Variants in NIF3L1 observed in about 807,000 individuals in gnomAD.
NIF3L1 encodes NGG1 interacting factor 3 like 1.
Under a neutral mutation model 35.0 loss-of-function variants are expected in NIF3L1, and 26 were observed. The ratio of observed to expected loss-of-function variants is 0.74; its 90% CI spans 0.54 to 1.03. The LOEUF is 1.03. Ranked by LOEUF, NIF3L1 falls within the 50% of genes least tolerant of loss-of-function variation. The pLI is 0.00. For missense variants in NIF3L1, 449 were observed against 466.3 expected, an observed-to-expected ratio of 0.96 and a Z score of 0.34; for synonymous variants, 157 against 178.9, an observed-to-expected ratio of 0.88 and a Z score of 0.98.
Position 200,903,632 on chromosome 2 carries a change from ATAT to A in NIF3L1, c.1092_1094del (p.Ile365del), listed in dbSNP as rs2040447253. ...GATTCTCACTTGGAGAATAAGATAAATATTATCCTATCAGAGACTGACAGGGAC... is the reference window on the plus strand; with the variant it reads ...GATTCTCACTTGGAGAATAAGATAAATATCCTATCAGAGACTGACAGGGAC... On this transcript the variant is annotated inframe_deletion, in exon 7 of 7. Coordinates refer to ENST00000409020, the MANE Select transcript of NIF3L1 (RefSeq NM_001369441.2). 9 of 1,613,572 alleles carry A rather than the reference ATAT, an allele frequency of 5.6e-6. No homozygotes were observed. The highest frequency in any genetic ancestry group is 7.6e-6 in the Non-Finnish European group (9 of 1,179,624).
intron 1 of NIF3L1, among the ~76,000 whole-genome samples, chr2:200,891,427 A>G (rs1478283840): frequency 6.6e-6 from 1 of 152,206 alleles, no homozygotes; most frequent in Non-Finnish European, 1.5e-5. Context: ...CTTTAGCATA[A>G]TGGGCACACA....
intron 2 of NIF3L1, 61 bp downstream of exon 2, chr2:200,892,440 C>A: frequency 7.4e-7 from 1 of 1,355,514 alleles, no homozygotes; most frequent in East Asian, 2.4e-5. Flanking sequence ...TTTAGGATGT[C>A]TTTCCAGTAA....
chr2:200,903,640 C>A lies in NIF3L1; in HGVS notation c.1096C>A (p.Leu366Ile). The change falls in exon 7 of 7, where the codon CTA becomes ATA. Residue 366 changes from leucine (L) to isoleucine (I), a missense_variant. Leu to Ile is a conservative substitution (Grantham distance 5). Coordinates refer to ENST00000409020, the MANE Select transcript of NIF3L1 (RefSeq NM_001369441.2). ...CTTGGAGAATAAGATAAATATTATCCTATCAGAGACTGACAGGGACCCTCT... is the reference window on the plus strand; with the variant it reads ...CTTGGAGAATAAGATAAATATTATCATATCAGAGACTGACAGGGACCCTCT... ...SHLENKINIILSETDRDPLQV... is the reference protein window; with the variant it reads ...SHLENKINIIISETDRDPLQV... 3 of 1,613,668 alleles carry A rather than the reference C, an allele frequency of 1.9e-6. No individual in the cohort carries two copies. Among genetic ancestry groups the A allele is most frequent in the Non-Finnish European group, 2.5e-6 (3 of 1,179,610 alleles).
rs1323290671 is a variant in NIF3L1 at position 200,892,224 on chromosome 2, C to A, written c.281C>A (p.Pro94Gln). The part of the protein sequence containing the change: ...KKADLILSYH[P>Q]PIFRPMKRIT... ...GCAGACCTCATTCTCTCCTACCATCCGCCTATCTTCCGACCCATGAAGCGC... is the reference window on the plus strand; with the variant it reads ...GCAGACCTCATTCTCTCCTACCATCAGCCTATCTTCCGACCCATGAAGCGC... Residue 94 changes from proline (P) to glutamine (Q), a missense_variant, in exon 2 of 7, where the codon CCG (proline) becomes CAG (glutamine). Coordinates refer to ENST00000409020, the MANE Select transcript of NIF3L1 (RefSeq NM_001369441.2). 1 of 1,614,178 alleles carries A rather than the reference C, an allele frequency of 6.2e-7. No individual in the cohort carries two copies. Among genetic ancestry groups the A allele is most frequent in the East Asian group, 2.2e-5 (1 of 44,888 alleles).
intron 6 of NIF3L1, among the ~76,000 whole-genome samples, chr2:200,902,286 G>A (rs1404878982): frequency 1.3e-5 from 2 of 152,118 alleles, no homozygotes; most frequent in Non-Finnish European, 2.9e-5. Context: ...CAGAATATTA[G>A]GCTGGACATG....
At position 200,892,341 on chromosome 2, in the gene NIF3L1, C is replaced by T. The variant is rs765755919; in HGVS notation, c.398C>T (p.Ala133Val). The change falls in exon 2 of 7, where the codon GCG becomes GTG. Residue 133 changes from alanine to valine, a missense_variant. By Grantham distance (64) the Ala-to-Val change is moderately conservative. Coordinates refer to ENST00000409020, the MANE Select transcript of NIF3L1 (RefSeq NM_001369441.2). ...TCTCCTCATACAGCCTATGATGCTG[C>T]GCCCCAGGGCGTCAACAACTGGTTG... ...IYSPHTAYDA[A>V]PQGVNNWLAK... The T allele has an allele frequency of 1.2e-5, 19 of 1,608,306 alleles. 1 individual carries two copies. The highest frequency in any genetic ancestry group is 3.3e-5 in the South Asian group (3 of 90,616).
chr2:200,897,056 T>A lies in NIF3L1; in HGVS notation c.727-20T>A, dbSNP rs1489488394. ...TAGGACTAACAATGCACACCGTTTC[T>A]AACTTCTGTTTCTCCTCAGCCTTTG... On this transcript the variant is annotated intron_variant, in intron 4 of 6. Coordinates refer to ENST00000409020, the MANE Select transcript of NIF3L1 (RefSeq NM_001369441.2). The A allele has an allele frequency of 4.3e-6, 7 of 1,612,712 alleles. No homozygotes were observed. The Admixed American group carries it at 1.2e-4, about 27-fold the overall frequency.
At chr2:200,895,473 T>C (rs2040290357) in intron 4 of NIF3L1, 83 bp downstream of exon 4, 1 of 1,398,074 alleles carries the variant, frequency 7.2e-7, no homozygotes, top group Non-Finnish European at 1.0e-6. Context: ...TTGATATACT[T>C]AGGTATATTG....
In NIF3L1 at chr2:200,897,090, T is replaced by TA; in HGVS notation, c.742dup (p.Thr248AsnfsTer11). ...TTTCTCCTCAGCCTTTGCTTCTACA[T>TA]ACTGGAATGGGACGGTTATGCACAC... is the stretch of plus-strand genomic sequence containing the variant. On this transcript the variant is annotated frameshift_variant, in exon 5 of 7. Transcript: ENST00000409020. LOFTEE classifies it high-confidence loss of function. 1 of 1,613,960 alleles carries TA rather than the reference T, an allele frequency of 6.2e-7. No individual in the cohort carries two copies. The highest frequency in any genetic ancestry group is 1.7e-5 in the Admixed American group (1 of 60,000).
rs2040205887 is a variant in NIF3L1, at chr2:200,892,085, A to ACACAT, written c.142_143insCACAT (p.Ser48ThrfsTer19). 1 of 1,614,000 alleles carries ACACAT rather than the reference A, an allele frequency of 6.2e-7. No homozygotes were observed. The highest frequency in any genetic ancestry group is 8.5e-7 in the Non-Finnish European group (1 of 1,180,018). ...CTTTGCATCCCTCTCGTTTGCTGAG[A>ACACAT]GTTGGGACAATGTTGGATTACTGGT... On this transcript the variant is annotated frameshift_variant, in exon 2 of 7. Transcript: ENST00000409020. LOFTEE classifies it high-confidence loss of function.
At chr2:200,896,888 T>C (rs1401284267) in intron 4 of NIF3L1, among the ~76,000 whole-genome samples, 188 bp from the exon 5 acceptor site, 2 of 152,216 alleles carry the variant, frequency 1.3e-5, no homozygotes, top group East Asian at 1.9e-4. Context: ...CTGGCCTGAT[T>C]ATTGATTTAA....
At chr2:200,895,498 G>A (rs2040290982) in intron 4 of NIF3L1, 108 bp downstream of exon 4, 3 of 1,029,348 alleles carry the variant, frequency 2.9e-6, no homozygotes, top group African/African-American at 1.6e-5. Flanking sequence ...ATACCTTATT[G>A]AGGTATAATT....
intron 5 of NIF3L1, among the ~76,000 whole-genome samples, chr2:200,897,902 T>C (rs2040345393): frequency 6.6e-6 from 1 of 152,218 alleles, no homozygotes; most frequent in Non-Finnish European, 1.5e-5. Context: ...ACAGCGGTTA[T>C]AGGTGTGGAT....
chr2:200,895,329 T>A lies in NIF3L1; in HGVS notation c.665T>A (p.Val222Glu). 1 of 1,613,856 alleles carries A rather than the reference T, an allele frequency of 6.2e-7. No individual in the cohort carries two copies. Among genetic ancestry groups the A allele is most frequent in the Admixed American group, 1.7e-5 (1 of 60,036 alleles). Residue 222 changes from valine to glutamate, a missense_variant, in exon 4 of 7, where the codon GTA (valine) becomes GAA (glutamate). Coordinates refer to ENST00000409020, the MANE Select transcript of NIF3L1 (RefSeq NM_001369441.2). ...ACTCAGAAGGCTTTGATGCAGGTGGTAGATTTTCTTTCCCGGAACAAACAA... is the reference window on the plus strand; with the variant it reads ...ACTCAGAAGGCTTTGATGCAGGTGGAAGATTTTCTTTCCCGGAACAAACAA... Reference protein sequence around the residue: ...NCTQKALMQVVDFLSRNKQLY... With the variant: ...NCTQKALMQVEDFLSRNKQLY...
chr2:200,900,162 A>G (rs1002339176), intron 6 of NIF3L1, among the ~76,000 whole-genome samples: 2 of 152,140 alleles, frequency 1.3e-5, no homozygotes, highest in African/African-American at 2.4e-5. Context: ...GTGGGTCCCT[A>G]TCACTTTGTC....
At chr2:200,903,158 C>T (rs1443845340) in intron 6 of NIF3L1, among the ~76,000 whole-genome samples, 3 of 152,114 alleles carry the variant, frequency 2.0e-5, no homozygotes, top group Admixed American at 6.5e-5. Flanking sequence ...CGCACCACCA[C>T]GCCCAGCTAA....
At position 200,896,338 on chromosome 2, in the gene NIF3L1, C is replaced by G. The variant is rs542952245; in HGVS notation, c.727-738C>G. On this transcript the variant is annotated intron_variant, in intron 4 of 6. Transcript: ENST00000409020. Reference sequence around the variant, plus strand: ...GTGTGTTCTCTCAAGTTTTTGGCACCTTTGTCCATGTCCTCTGTGTTTAGA... The same window carrying G: ...GTGTGTTCTCTCAAGTTTTTGGCACGTTTGTCCATGTCCTCTGTGTTTAGA... Among the ~76,000 whole-genome samples the G allele has an allele frequency of 5.3e-5, 8 of 152,302 alleles. No homozygotes were observed. The East Asian group carries it at 1.5e-3, about 29-fold the overall frequency.
chr2:200,890,801 C>T (rs2040167761), intron 1 of NIF3L1, among the ~76,000 whole-genome samples: 1 of 152,084 alleles, frequency 6.6e-6, no homozygotes, highest in Non-Finnish European at 1.5e-5. Context: ...TTATCCCCTC[C>T]CACCTCTTGA....
intron 2 of NIF3L1, among the ~76,000 whole-genome samples, chr2:200,892,722 A>G (rs16835452): frequency 0.043 from 6,527 of 152,280 alleles, 470 homozygotes; most frequent in African/African-American, 0.15. Flanking sequence ...TGATAAGTCA[A>G]GTAAATAGAC....
Sources: gnomAD v4.1 joint callset for allele counts (sites outside exome capture counted in the v4.1 genomes callset) on GRCh38, gnomAD v4.1.1 for gene constraint, MANE v1.5 for transcripts, NCBI Gene and HGNC (gene_info 2026-07-23, HGNC 2026-07-21) for gene names.